KSR2: variants seen among roughly 807,000 people sequenced by gnomAD.
The protein encoded by KSR2 is kinase suppressor of ras 2.
KSR2 carries 25 observed loss-of-function variants against 107.8 expected under a neutral mutation model. The ratio of observed to expected loss-of-function variants is 0.23; its 90% confidence interval spans 0.17 to 0.32. The LOEUF is 0.32. Among genes scored for constraint, KSR2 ranks in the 10% least tolerant of loss-of-function variants. The pLI is 1.00. For missense variants in KSR2, 887 were observed against 1,268.9 expected, an observed-to-expected ratio of 0.70 and a Z score of 4.57; for synonymous variants, 480 against 507.0, an observed-to-expected ratio of 0.95 and a Z score of 0.71.
intron 10 of KSR2, among the ~76,000 whole-genome samples, chr12:117,535,860 C>G (rs1440802772): frequency 6.6e-6 from 1 of 152,066 alleles, no homozygotes; most frequent in Non-Finnish European, 1.5e-5. Context: ...TAAACAGAAG[C>G]AATACCATGC....
At chr12:117,774,594 G>A (rs1437083221) in intron 3 of KSR2, among the ~76,000 whole-genome samples, 2 of 152,146 alleles carry the variant, frequency 1.3e-5, no homozygotes, top group Non-Finnish European at 2.9e-5. Context: ...AAGAGACTGG[G>A]AAGATTAACC....
At chr12:117,725,090 A>T (rs1244261864) in intron 4 of KSR2, among the ~76,000 whole-genome samples, 2 of 151,476 alleles carry the variant, frequency 1.3e-5, no homozygotes, top group African/African-American at 4.8e-5. Flanking sequence ...TCTCTCACAC[A>T]CACACACACA....
chr12:117,739,270 G>C (rs1240071507), intron 4 of KSR2, among the ~76,000 whole-genome samples: 1 of 152,010 alleles, frequency 6.6e-6, no homozygotes, highest in Non-Finnish European at 1.5e-5. Flanking sequence ...CAGGAGAATG[G>C]CGTGAACCTG....
At chr12:117,883,862 C>G (rs1228628708) in intron 1 of KSR2, among the ~76,000 whole-genome samples, 1 of 111,318 alleles carries the variant, frequency 9.0e-6, no homozygotes, top group Non-Finnish European at 1.7e-5. Context: ...GGCGACAGAG[C>G]AAGTCTCCAT....
At chr12:117,810,537 C>T (rs1029488002) in intron 3 of KSR2, among the ~76,000 whole-genome samples, 147 of 152,214 alleles carry the variant, frequency 9.7e-4, no homozygotes, top group African/African-American at 3.0e-3. Context: ...GGTCTCAAAC[C>T]CCTGGGCTCA....
At chr12:117,576,317 C>T (rs1879283144) in intron 7 of KSR2, among the ~76,000 whole-genome samples, 1 of 152,126 alleles carries the variant, frequency 6.6e-6, no homozygotes. Flanking sequence ...TATCTTCAGA[C>T]TTCAGAGCTG....
intron 5 of KSR2, among the ~76,000 whole-genome samples, chr12:117,619,712 C>T (rs1882078483): frequency 6.6e-6 from 1 of 151,020 alleles, no homozygotes; most frequent in Admixed American, 6.6e-5. Context: ...CACACATATA[C>T]AGTATGTCAC....
intron 4 of KSR2, among the ~76,000 whole-genome samples, chr12:117,743,154 T>G (rs1242662059): frequency 1.3e-5 from 2 of 152,316 alleles, no homozygotes; most frequent in Non-Finnish European, 2.9e-5. Context: ...CCATCCATCT[T>G]AAACAACTAA....
At chr12:117,588,773 T>A (rs947509643) in intron 5 of KSR2, among the ~76,000 whole-genome samples, 2 of 152,212 alleles carry the variant, frequency 1.3e-5, no homozygotes. Context: ...CTGCTGTGTG[T>A]CTTTGGGCAA....
At chr12:117,776,611 T>C (rs917936710) in intron 3 of KSR2, among the ~76,000 whole-genome samples, 1 of 152,152 alleles carries the variant, frequency 6.6e-6, no homozygotes, top group Admixed American at 6.5e-5. Flanking sequence ...CTGGGAGTCA[T>C]GGATATAAAC....
intron 3 of KSR2, among the ~76,000 whole-genome samples, chr12:117,784,684 C>G (rs767578012): frequency 3.3e-5 from 5 of 152,154 alleles, no homozygotes; most frequent in Non-Finnish European, 7.3e-5. Context: ...GAAGGCCAGT[C>G]ATTCAGATCT....
At chr12:117,705,892 C>T (rs1367133831) in intron 4 of KSR2, among the ~76,000 whole-genome samples, 2 of 152,132 alleles carry the variant, frequency 1.3e-5, no homozygotes, top group African/African-American at 4.8e-5. Flanking sequence ...TCACTCACCA[C>T]TGTGAGCCTC....
Position 117,523,870 on chromosome 12 carries a change from G to T in KSR2, c.2219+982C>A, listed in dbSNP as rs141611683. ...GCCTGTAATCTCAGCTACTTAGGTG[G>T]CTGAGGCAGGAGAATCGCTTGAACC... On this transcript the variant is annotated intron_variant, in intron 14 of 19. Coordinates refer to ENST00000339824, the MANE Select transcript of KSR2 (RefSeq NM_173598.6). Among the ~76,000 whole-genome samples, 510 of 152,288 alleles carry T rather than the reference G, an allele frequency of 3.3e-3. 4 individuals carry two copies. Among genetic ancestry groups the T allele is most frequent in the African/African-American group, 0.012 (485 of 41,564 alleles).
At chr12:117,506,112 CAA>C (rs1046515850) in intron 14 of KSR2, among the ~76,000 whole-genome samples, 1 of 152,194 alleles carries the variant, frequency 6.6e-6, no homozygotes, top group Non-Finnish European at 1.5e-5. Context: ...AAATTATTAA[CAA>C]AGTTATTTCT....
At chr12:117,476,251 G>A (rs1427991313) in intron 17 of KSR2, among the ~76,000 whole-genome samples, 2 of 152,162 alleles carry the variant, frequency 1.3e-5, no homozygotes, top group African/African-American at 2.4e-5. Context: ...ACTTGTTAAG[G>A]CCACATAATC....
chr12:117,551,400 A>G (rs1286244180), intron 9 of KSR2, among the ~76,000 whole-genome samples: 1 of 152,136 alleles, frequency 6.6e-6, no homozygotes, highest in Non-Finnish European at 1.5e-5. Context: ...AATCCTTTAT[A>G]CATATCATAC....
chr12:117,905,932 T>C (rs114836428), intron 1 of KSR2, among the ~76,000 whole-genome samples: 1,702 of 151,896 alleles, frequency 0.011, 30 homozygotes, highest in African/African-American at 0.04. Flanking sequence ...AAAAAATGAT[T>C]ATAGTAGTGA....
intron 8 of KSR2, 65 bp downstream of exon 8, chr12:117,558,441 T>C (rs911572116): frequency 4.7e-6 from 6 of 1,265,914 alleles, no homozygotes; most frequent in African/African-American, 3.0e-5. Context: ...GGGACAGCTA[T>C]GTGGGGGACC....
chr12:117,483,374 T>TA (rs1446850424), intron 16 of KSR2, among the ~76,000 whole-genome samples: 2 of 150,304 alleles, frequency 1.3e-5, no homozygotes, highest in South Asian at 2.1e-4. Context: ...CTCAAAAAAA[T>TA]AAAAAAATAA....
Sources: allele counts gnomAD v4.1 joint callset (sites outside exome capture counted in the v4.1 genomes callset), GRCh38; gene constraint gnomAD v4.1.1; transcripts MANE v1.5; gene names NCBI Gene and HGNC (gene_info 2026-07-23, HGNC 2026-07-21).